Variants in WSB2 observed in about 807,000 individuals in gnomAD.
WSB2 encodes WD repeat and SOCS box-containing protein 2.
A neutral mutation model predicts 48.8 loss-of-function variants in WSB2; 12 were observed. The ratio of observed to expected loss-of-function variants is 0.25; its 90% confidence interval spans 0.16 to 0.40. The LOEUF (loss-of-function observed/expected upper bound fraction) is 0.40, where lower values mean the gene tolerates loss of function less well. Ranked by LOEUF, WSB2 falls within the 10% of genes least tolerant of loss-of-function variation. WSB2 has a pLI of 1.00. For missense variants in WSB2, 317 were observed against 506.2 expected (o/e 0.63, Z 3.59); for synonymous variants, 191 against 203.1 (o/e 0.94, Z 0.51).
intron 1 of WSB2, among the ~76,000 whole-genome samples, chr12:118,056,175 C>T (rs966962281): frequency 6.6e-6 from 1 of 152,134 alleles, no homozygotes; most frequent in Non-Finnish European, 1.5e-5. Context: ...CCCTCAAAAT[C>T]CAGCATAATC....
intron 2 of WSB2, among the ~76,000 whole-genome samples, chr12:118,051,215 A>C (rs2031845965): frequency 6.6e-6 from 1 of 152,178 alleles, no homozygotes; most frequent in Non-Finnish European, 1.5e-5. Context: ...GGATGTAGAG[A>C]ATCTGGAACC....
chr12:118,033,768 A>C lies in WSB2; in HGVS notation c.*428T>G, dbSNP rs1001063098. The C allele has an allele frequency of 7.9e-5, 13 of 165,588 alleles. No individual in the cohort carries two copies. The highest frequency in any genetic ancestry group is 2.9e-4 in the African/African-American group (12 of 41,766). 10.3% of individuals were successfully genotyped at this position (165,588 alleles called of 1,614,324 possible). ...GAACTTGAACCAATGCTACCACTGC[A>C]TCAGAAACACAAGGATAGGTACTAG... is the stretch of plus-strand genomic sequence containing the variant. On this transcript the variant is annotated 3_prime_UTR_variant, in exon 9 of 9. Transcript: ENST00000315436.
At chr12:118,052,278 GC>G in intron 2 of WSB2, 31 bp downstream of exon 2, 1 of 1,604,674 alleles carries the variant, frequency 6.2e-7, no homozygotes, top group Non-Finnish European at 8.5e-7. Flanking sequence ...TTGGAAATGC[GC>G]CGGATGGGGC....
Position 118,060,617 on chromosome 12 carries a change from T to C in WSB2, c.13+419A>G, listed in dbSNP as rs1676916502. Among the ~76,000 whole-genome samples, 1 of 152,150 alleles carries C rather than the reference T, an allele frequency of 6.6e-6. No homozygotes were observed. The highest frequency in any genetic ancestry group is 2.4e-5 in the African/African-American group (1 of 41,544). On this transcript the variant is annotated intron_variant, in intron 1 of 8. Transcript: ENST00000315436. The surrounding 1 kb of genome is among the most constrained non-coding windows in gnomAD (Gnocchi z 4.1). The stretch of plus-strand genomic sequence containing the variant: ...TCCACTGTCACGATCACACAGCTTG[T>C]GAGGGACAGAGGTGACTCCCATCCA...
At chr12:118,042,764 A>T (rs1361889289) in intron 4 of WSB2, 77 bp downstream of exon 4, 9 of 1,549,214 alleles carry the variant, frequency 5.8e-6, no homozygotes, top group African/African-American at 1.4e-5. Flanking sequence ...TGTTTTAGAT[A>T]AAAATGACAC....
At chr12:118,049,979 T>A (rs983297838) in intron 2 of WSB2, among the ~76,000 whole-genome samples, 1 of 152,196 alleles carries the variant, frequency 6.6e-6, no homozygotes, top group Non-Finnish European at 1.5e-5. Flanking sequence ...AACTCAGTGT[T>A]ACGCAAAGAA....
At chr12:118,061,274 G>A, upstream of WSB2, 2 of 704,312 alleles carry the variant, frequency 2.8e-6, no homozygotes, top group Middle Eastern at 7.2e-4. Context: ...ACGGTGGGGG[G>A]CAGCTGAGGG....
chr12:118,041,748 CTTTTTTTTT>C (rs150072011), intron 4 of WSB2, among the ~76,000 whole-genome samples: 2 of 101,536 alleles, frequency 2.0e-5, no homozygotes, highest in African/African-American at 4.3e-5. Flanking sequence ...TCTTATGTCA[CTTTTTTTTT>C]TTTTTTTTTT....
chr12:118,061,345 G>A, upstream of WSB2: 1 of 274,598 alleles, frequency 3.6e-6, no homozygotes, highest in Non-Finnish European at 5.5e-6. Context: ...GGTTGCTCAG[G>A]GGAAACGGGG....
In WSB2 at chr12:118,060,161, G is replaced by A. The variant is rs2032034074; in HGVS notation, c.13+875C>T. Among the ~76,000 whole-genome samples, 1 of 152,200 alleles carries A rather than the reference G, an allele frequency of 6.6e-6. No homozygotes were observed. Among genetic ancestry groups the A allele is most frequent in the African/African-American group, 2.4e-5 (1 of 41,454 alleles). ...CCAAGTGGGGTTCCGAGGGAAGGTC[G>A]TTGGAGGGGAGAGGGCCAAGGCGTG... On this transcript the variant is annotated intron_variant, in intron 1 of 8. Coordinates refer to ENST00000315436, the MANE Select transcript of WSB2 (RefSeq NM_018639.5). This position sits in a 1 kb window ranked among gnomAD's most constrained non-coding sequence, Gnocchi z 4.1.
intron 2 of WSB2, 60 bp from the exon 3 acceptor site, chr12:118,043,437 A>G (rs533126914): frequency 6.6e-7 from 1 of 1,508,266 alleles, no homozygotes; most frequent in South Asian, 1.3e-5. Context: ...TCAACTTTTC[A>G]TCCTGGGACA....
chr12:118,055,392 A>C (rs888324130), intron 1 of WSB2, among the ~76,000 whole-genome samples: 8 of 152,170 alleles, frequency 5.3e-5, no homozygotes, highest in African/African-American at 1.9e-4. Context: ...GATGCAGTCA[A>C]GTATTAAATG....
upstream of WSB2, chr12:118,061,964 C>T (rs899846780): frequency 6.2e-6 from 5 of 802,388 alleles, no homozygotes; most frequent in Non-Finnish European, 9.2e-6. Context: ...TCAATGGCTC[C>T]GGTAATGGGA....
Position 118,043,200 on chromosome 12 carries a change from A to T in WSB2, c.360T>A (p.Asp120Glu). Residue 120 changes from aspartate to glutamate, a missense_variant, in exon 3 of 9, where the codon GAT becomes GAA. Physicochemically the swap from Asp to Glu is conservative, Grantham distance 45. Transcript: ENST00000315436. ...LWARHHPQVP[D>E]VSCLVLATGL... ...CCGTAGCAAGAACCAGGCAAGAGAC[A>T]TCGGGCACTTGGGGGTGGTGGCGTG... 6.2e-7 allele frequency: 1 copy of T among 1,614,242 alleles called. No homozygotes were observed. The highest frequency in any genetic ancestry group is 1.1e-5 in the South Asian group (1 of 91,090).
chr12:118,060,646 A>C lies in WSB2; in HGVS notation c.13+390T>G, dbSNP rs1215908543. On this transcript the variant is annotated intron_variant, in intron 1 of 8. Transcript: ENST00000315436. This position sits in a 1 kb window ranked among gnomAD's most constrained non-coding sequence, Gnocchi z 4.1. ...GGACAGAGGTGACTCCCATCCAGAC[A>C]TGCAAGTGCGTCCCCTGGCACCTGG... Among the ~76,000 whole-genome samples, 1 of 151,966 alleles carries C rather than the reference A, an allele frequency of 6.6e-6. No individual in the cohort carries two copies. The highest frequency in any genetic ancestry group is 1.5e-5 in the Non-Finnish European group (1 of 67,958).
At chr12:118,035,130 C>A (rs1470254014) in intron 7 of WSB2, 37 bp from the exon 8 acceptor site, 2 of 1,613,196 alleles carry the variant, frequency 1.2e-6, no homozygotes, top group Admixed American at 1.7e-5. Flanking sequence ...TATTAGCTGA[C>A]CCAGGGCCAG....
chr12:118,038,084 A>G, intron 5 of WSB2: 1 of 445,138 alleles, frequency 2.2e-6, no homozygotes, highest in Non-Finnish European at 4.0e-6. Flanking sequence ...TGACAGGAGC[A>G]ACCTGTTTCC....
chr12:118,038,460 G>A, intron 4 of WSB2, 72 bp from the exon 5 acceptor site: 1 of 1,459,950 alleles, frequency 6.8e-7, no homozygotes, highest in Non-Finnish European at 9.5e-7. Context: ...GGGAGAACTG[G>A]GGTGGTAACA....
At chr12:118,061,989 G>C (rs1337519784), upstream of WSB2, 1 of 1,058,738 alleles carries the variant, frequency 9.4e-7, no homozygotes, top group Non-Finnish European at 1.3e-6. Context: ...GAAGTGAGGA[G>C]AACACGGGGC....
Sources: gnomAD v4.1 joint callset for allele counts (sites outside exome capture counted in the v4.1 genomes callset) on GRCh38, gnomAD v4.1.1 for gene constraint, Gnocchi (gnomAD v3.1) non-coding constraint, MANE v1.5 for transcripts, NCBI Gene and HGNC (gene_info 2026-07-23, HGNC 2026-07-21) for gene names.